CAB39: variants seen among roughly 807,000 people sequenced by gnomAD.
CAB39 encodes the protein calcium binding protein 39, also known as calcium-binding protein 39.
In CAB39, 8 loss-of-function variants were observed where a neutral mutation model predicts 40.0. The observed-to-expected ratio is 0.20, with a 90% CI of 0.12 to 0.36. The LOEUF (loss-of-function observed/expected upper bound fraction) is 0.36. Ranked by LOEUF, CAB39 falls within the 10% of genes least tolerant of loss-of-function variation. CAB39 has a pLI of 1.00. For missense variants in CAB39, 270 were observed against 401.1 expected (o/e 0.67, Z 2.79); for synonymous variants, 156 against 141.6 (o/e 1.10, Z -0.72).
chr2:230,794,740 A>G (rs1185955014), intron 4 of CAB39, among the ~76,000 whole-genome samples: 3 of 152,188 alleles, frequency 2.0e-5, no homozygotes, highest in Non-Finnish European at 4.4e-5. Flanking sequence ...GGGAATATGT[A>G]ACATACCGGT....
In CAB39 at chr2:230,818,690, C is replaced by T. The variant is rs761280518; in HGVS notation, c.1012C>T (p.Gln338Ter). 1.2e-6 allele frequency: 2 copies of T among 1,613,018 alleles called. No homozygotes were observed. The highest frequency in any genetic ancestry group is 2.2e-5 in the South Asian group (2 of 90,916). The change falls in exon 9 of 9, where the codon CAG (glutamine) becomes TAG (stop). Residue 338 changes from glutamine (Q) to a stop codon, truncating the protein, a stop_gained. Coordinates refer to ENST00000258418, the MANE Select transcript of CAB39 (RefSeq NM_016289.4). LOFTEE classifies it high-confidence loss of function. The part of the protein sequence containing the change: ...KQIRDLKRPA[Q>*]QEA The stretch of plus-strand genomic sequence containing the variant: ...GATCAGGGATTTGAAGAGACCAGCT[C>T]AGCAAGAAGCTTAATCTCCAATAAA...
At chr2:230,726,171 T>C (rs1033380679) in intron 1 of CAB39, among the ~76,000 whole-genome samples, 1 of 148,036 alleles carries the variant, frequency 6.8e-6, no homozygotes, top group Non-Finnish European at 1.5e-5. Context: ...ATTTAATTAA[T>C]TTTTTTTTTT....
intron 1 of CAB39, among the ~76,000 whole-genome samples, chr2:230,742,423 C>T (rs1225925140): frequency 2.0e-5 from 3 of 152,206 alleles, no homozygotes; most frequent in Non-Finnish European, 2.9e-5. Context: ...GATTCGCCCG[C>T]CTCGGCCTCC....
At chr2:230,749,757 G>A (rs1695053898) in intron 1 of CAB39, among the ~76,000 whole-genome samples, 1 of 152,108 alleles carries the variant, frequency 6.6e-6, no homozygotes, top group Non-Finnish European at 1.5e-5. Context: ...ACTATTCAGT[G>A]GCCATCTTTG....
chr2:230,770,820 A>G (rs1056849343), intron 2 of CAB39, among the ~76,000 whole-genome samples: 1 of 152,244 alleles, frequency 6.6e-6, no homozygotes, highest in African/African-American at 2.4e-5. Context: ...TGAAAAGGGG[A>G]AAAAAACCAG....
chr2:230,818,536 C>A lies in CAB39; in HGVS notation c.858C>A (p.Asn286Lys). Reference sequence around the variant, plus strand: ...CGCAGGTGTTTGTAGCCAATCCTAACAAGACGCAGCCCATCCTAGACATCC... The same window carrying A: ...CGCAGGTGTTTGTAGCCAATCCTAAAAAGACGCAGCCCATCCTAGACATCC... ...HVFKVFVANPNKTQPILDILL... is the reference protein window; with the variant it reads ...HVFKVFVANPKKTQPILDILL... Residue 286 changes from asparagine to lysine, a missense_variant, in exon 9 of 9, where the codon AAC (asparagine) becomes AAA (lysine). Coordinates refer to ENST00000258418, the MANE Select transcript of CAB39 (RefSeq NM_016289.4). 1 of 1,613,948 alleles carries A rather than the reference C, an allele frequency of 6.2e-7. No homozygotes were observed. The highest frequency in any genetic ancestry group is 1.3e-5 in the African/African-American group (1 of 75,022).
chr2:230,717,795 A>C (rs564401494), intron 1 of CAB39, among the ~76,000 whole-genome samples: 1 of 152,234 alleles, frequency 6.6e-6, no homozygotes, highest in African/African-American at 2.4e-5. Flanking sequence ...AACTTTTAAA[A>C]CAGAAGGGGT....
chr2:230,723,367 G>A (rs1694491234), intron 1 of CAB39, among the ~76,000 whole-genome samples: 4 of 151,652 alleles, frequency 2.6e-5, no homozygotes, highest in Admixed American at 2.0e-4. Flanking sequence ...CTCTGCTGTG[G>A]GCTTCCTGAA....
At chr2:230,780,163 C>T (rs1050631792) in intron 2 of CAB39, among the ~76,000 whole-genome samples, 3 of 152,104 alleles carry the variant, frequency 2.0e-5, no homozygotes, top group Non-Finnish European at 4.4e-5. Flanking sequence ...GCCCTTTCTC[C>T]AGTGCACAGA....
intron 2 of CAB39, among the ~76,000 whole-genome samples, chr2:230,762,036 T>C (rs1168282689): frequency 6.6e-6 from 1 of 151,956 alleles, no homozygotes; most frequent in Non-Finnish European, 1.5e-5. Flanking sequence ...GACTCCAGAG[T>C]AGCTGGGACT....
chr2:230,816,101 C>T (rs1032450675), intron 7 of CAB39, among the ~76,000 whole-genome samples: 2 of 152,094 alleles, frequency 1.3e-5, no homozygotes, highest in African/African-American at 4.8e-5. Context: ...TGGTGAAACC[C>T]TGTCTCTAGC....
intron 8 of CAB39, chr2:230,818,242 A>G (rs1445044526): frequency 1.1e-5 from 5 of 451,140 alleles, no homozygotes; most frequent in African/African-American, 4.0e-5. Context: ...ATTTCTGCCC[A>G]TTTTATTCTA....
Position 230,820,708 on chromosome 2 carries a change from T to C in CAB39, c.*2004T>C, listed in dbSNP as rs1235139581. The C allele has an allele frequency of 6.5e-5, 10 of 152,682 alleles. No homozygotes were observed. Among genetic ancestry groups the C allele is most frequent in the Non-Finnish European group, 1.2e-4 (8 of 68,040 alleles). 9.5% of individuals were successfully genotyped at this position (152,682 alleles called of 1,614,324 possible). ...GTGGAAGAAGTGAGGGTGCAGCGTG[T>C]CAGACACAACATTCATGTTACTCTT... On this transcript the variant is annotated 3_prime_UTR_variant, in exon 9 of 9. Coordinates refer to ENST00000258418, the MANE Select transcript of CAB39 (RefSeq NM_016289.4).
Position 230,778,600 on chromosome 2 carries a change from A to G in CAB39, c.115-12272A>G, listed in dbSNP as rs561829382. Among the ~76,000 whole-genome samples the G allele has an allele frequency of 1.2e-4, 18 of 152,234 alleles. No homozygotes were observed. The South Asian group carries it at 3.7e-3, about 32-fold the overall frequency. On this transcript the variant is annotated intron_variant, in intron 2 of 8. Coordinates refer to ENST00000258418, the MANE Select transcript of CAB39 (RefSeq NM_016289.4). Reference sequence around the variant, plus strand: ...CTAATGTTTAGCTTACTAATTGCTTATTTTCCCACCCTGTTTTATTTTTTA... The same window carrying G: ...CTAATGTTTAGCTTACTAATTGCTTGTTTTCCCACCCTGTTTTATTTTTTA...
chr2:230,778,950 C>T (rs1013429443), intron 2 of CAB39: 4 of 152,134 alleles, frequency 2.6e-5, no homozygotes, highest in East Asian at 1.9e-4. Flanking sequence ...TTGACCAAGA[C>T]GTTATGTGGT....
At chr2:230,714,386 A>G (rs1694312054) in intron 1 of CAB39, among the ~76,000 whole-genome samples, 1 of 152,216 alleles carries the variant, frequency 6.6e-6, no homozygotes, top group African/African-American at 2.4e-5. Flanking sequence ...CTTCCCAGAT[A>G]ATCAAGTAAA....
intron 1 of CAB39, among the ~76,000 whole-genome samples, chr2:230,749,438 GA>G (rs34769092): frequency 4.0e-5 from 6 of 151,732 alleles, no homozygotes; most frequent in South Asian, 4.2e-4. Flanking sequence ...TTTATATTTA[GA>G]AAAAAAGTAT....
chr2:230,783,875 A>G (rs1337704266), intron 2 of CAB39, among the ~76,000 whole-genome samples: 2 of 152,204 alleles, frequency 1.3e-5, no homozygotes, highest in South Asian at 2.1e-4. Context: ...TCCATTTGTA[A>G]TCTGAATTTT....
At chr2:230,730,002 G>A (rs923191295) in intron 1 of CAB39, among the ~76,000 whole-genome samples, 1 of 152,074 alleles carries the variant, frequency 6.6e-6, no homozygotes, top group African/African-American at 2.4e-5. Flanking sequence ...AGAGAATACT[G>A]TCAGATATTT....
Sources: allele counts gnomAD v4.1 joint callset (sites outside exome capture counted in the v4.1 genomes callset), GRCh38; gene constraint gnomAD v4.1.1; transcripts MANE v1.5; gene names NCBI Gene and HGNC (gene_info 2026-07-23, HGNC 2026-07-21).